COQ8B: variants seen among roughly 807,000 people sequenced by gnomAD.
COQ8B encodes the protein coenzyme Q8B, also known as atypical kinase COQ8B, mitochondrial.
A neutral mutation model predicts 62.0 loss-of-function variants in COQ8B; 44 were observed. That is an observed-to-expected ratio of 0.71 (90% confidence interval 0.56 to 0.91). The LOEUF is 0.91. Among genes scored for constraint, COQ8B ranks in the 40% least tolerant of loss-of-function variants. The pLI is 0.00. For synonymous variants in COQ8B, 252 were observed against 289.9 expected, an observed-to-expected ratio of 0.87 and a Z score of 1.33; for missense variants, 649 against 731.6, an observed-to-expected ratio of 0.89 and a Z score of 1.30.
At position 40,714,176 on chromosome 19, in the gene COQ8B, C is replaced by T. The variant is rs765881596; in HGVS notation, c.223-43G>A. The T allele has an allele frequency of 3.8e-5, 61 of 1,611,926 alleles. No homozygotes were observed. The South Asian group carries it at 4.7e-4, about 12-fold the overall frequency. On this transcript the variant is annotated intron_variant, in intron 3 of 14. Transcript: ENST00000324464. ...GGTCTGAGGGTGGGAAAGTGGGCATCGTGGCCAGAGAGTGCAGCCACTCTG... is the reference window on the plus strand; with the variant it reads ...GGTCTGAGGGTGGGAAAGTGGGCATTGTGGCCAGAGAGTGCAGCCACTCTG...
chr19:40,704,212 C>T (rs2082083424), intron 7 of COQ8B: 1 of 186,188 alleles, frequency 5.4e-6, no homozygotes, highest in Non-Finnish European at 1.1e-5. Flanking sequence ...TGTAGTGGCA[C>T]TCTCACGGCT....
At chr19:40,701,113 A>G (rs2082057488) in intron 10 of COQ8B, 1 of 152,296 alleles carries the variant, frequency 6.6e-6, no homozygotes, top group Non-Finnish European at 1.5e-5. Context: ...GAATCGCTTG[A>G]GCCCAGGAGT....
In COQ8B at chr19:40,714,411, A is replaced by C; in HGVS notation, c.103-14T>G. On this transcript the variant is annotated splice_polypyrimidine_tract_variant and intron_variant, in intron 2 of 14. Coordinates refer to ENST00000324464, the MANE Select transcript of COQ8B (RefSeq NM_024876.4). ...TCCACATGGTCCCTGCAAGAGATATACTTTGATAAGGAGGGGAGGACATGG... is the reference window on the plus strand; with the variant it reads ...TCCACATGGTCCCTGCAAGAGATATCCTTTGATAAGGAGGGGAGGACATGG... 2 of 1,612,994 alleles carry C rather than the reference A, an allele frequency of 1.2e-6. No individual in the cohort carries two copies. The highest frequency in any genetic ancestry group is 1.7e-6 in the Non-Finnish European group (2 of 1,179,442).
At chr19:40,695,355 A>AGAAAAAAAAG (rs2082006685) in intron 13 of COQ8B, among the ~76,000 whole-genome samples, 1 of 152,118 alleles carries the variant, frequency 6.6e-6, no homozygotes, top group Admixed American at 6.5e-5. Flanking sequence ...AAAAAGGAAA[A>AGAAAAAAAAG]GAAAACGTTT....
At position 40,710,121 on chromosome 19, in the gene COQ8B, A is replaced by G. The variant is rs1166676243; in HGVS notation, c.305T>C (p.Leu102Ser). The change falls in exon 5 of 15, where the codon TTG (leucine) becomes TCG (serine). Residue 102 changes from leucine (L) to serine (S), a missense_variant. By Grantham distance (145) the Leu-to-Ser change is moderately radical. Coordinates refer to ENST00000324464, the MANE Select transcript of COQ8B (RefSeq NM_024876.4). ...LANFGGLAVGLGLGVLAEMAK... is the reference protein window; with the variant it reads ...LANFGGLAVGSGLGVLAEMAK... ...CATCTCGGCCAGTACTCCTAGCCCC[A>G]AGCCCACAGCCAGTCCTGGAGTGCA... 1 of 1,614,008 alleles carries G rather than the reference A, an allele frequency of 6.2e-7. No individual in the cohort carries two copies. Among genetic ancestry groups the G allele is most frequent in the Admixed American group, 1.7e-5 (1 of 60,014 alleles).
chr19:40,713,685 C>CTG (rs569682825), intron 4 of COQ8B, among the ~76,000 whole-genome samples: 2,555 of 150,966 alleles, frequency 0.017, 74 homozygotes, highest in African/African-American at 0.058. Context: ...CACTGCACTC[C>CTG]AGCCTGGGCA....
chr19:40,711,479 C>T (rs1412925493), intron 4 of COQ8B, among the ~76,000 whole-genome samples: 1 of 152,188 alleles, frequency 6.6e-6, no homozygotes, highest in Non-Finnish European at 1.5e-5. Flanking sequence ...CTGCCTCGGC[C>T]TCCCAAAGTG....
At position 40,705,448 on chromosome 19, in the gene COQ8B, C is replaced by G. The variant is rs1201048143; in HGVS notation, c.368-1G>C. 1.9e-6 allele frequency: 3 copies of G among 1,551,156 alleles called. No homozygotes were observed. The highest frequency in any genetic ancestry group is 1.7e-6 in the Non-Finnish European group (2 of 1,145,900). ...CTGGAGTCCAGCCCAGAACCACCCT[C>G]TGGGGAGAGAACAACCATTAGAATT... is the stretch of plus-strand genomic sequence containing the variant. On this transcript the variant is annotated splice_acceptor_variant, in intron 5 of 14. Coordinates refer to ENST00000324464, the MANE Select transcript of COQ8B (RefSeq NM_024876.4). LOFTEE classifies it high-confidence loss of function.
chr19:40,714,474 C>T, intron 2 of COQ8B, 57 bp downstream of exon 2: 3 of 1,613,506 alleles, frequency 1.9e-6, no homozygotes, highest in Non-Finnish European at 2.5e-6. Flanking sequence ...TGTCCTTTTA[C>T]CCTCTGAAGT....
chr19:40,709,289 A>G (rs2144710164), intron 5 of COQ8B, among the ~76,000 whole-genome samples: 1 of 152,324 alleles, frequency 6.6e-6, no homozygotes, highest in Middle Eastern at 3.4e-3. Context: ...ATATGCAATC[A>G]TGGTTCAGAT....
Position 40,700,155 on chromosome 19 carries a change from G to C in COQ8B, c.1055C>G (p.Thr352Arg), listed in dbSNP as rs36012476. ...LRNQICFQLLTLCLRELFEFR... is the reference protein window; with the variant it reads ...LRNQICFQLLRLCLRELFEFR... ...CTCAAACAGCTCCCGCAGACACAGC[G>C]TCAGGAGCTGGAAGCAAATCTGGGG... is the stretch of plus-strand genomic sequence containing the variant. Residue 352 changes from threonine (T) to arginine (R), a missense_variant, in exon 12 of 15, where the codon ACG (threonine) becomes AGG (arginine). By Grantham distance (71) the Thr-to-Arg change is moderately conservative. Coordinates refer to ENST00000324464, the MANE Select transcript of COQ8B (RefSeq NM_024876.4). 0.043 allele frequency: 69,238 copies of C among 1,614,150 alleles called. 1,759 individuals are homozygous for C. Among genetic ancestry groups the C allele is most frequent in the Middle Eastern group, 0.051 (309 of 6,062 alleles).
chr19:40,711,384 A>G (rs2082140761), intron 4 of COQ8B, among the ~76,000 whole-genome samples: 1 of 151,740 alleles, frequency 6.6e-6, no homozygotes, highest in Non-Finnish European at 1.5e-5. Context: ...CGTGCATACC[A>G]CCACGCTCAC....
At chr19:40,713,637 A>G (rs550180883) in intron 4 of COQ8B, among the ~76,000 whole-genome samples, 3 of 148,750 alleles carry the variant, frequency 2.0e-5, no homozygotes, top group Admixed American at 6.6e-5. Context: ...AATTGCTTGA[A>G]TGTAGGAGGC....
chr19:40,704,034 A>C, intron 7 of COQ8B, 179 bp from the exon 8 acceptor site: 1 of 743,554 alleles, frequency 1.3e-6, no homozygotes, highest in Non-Finnish European at 2.1e-6. Context: ...TGTGCAAGTG[A>C]CTAGCCAGGC....
chr19:40,714,854 C>G (rs2082172895), intron 1 of COQ8B: 2 of 1,333,552 alleles, frequency 1.5e-6, no homozygotes, highest in Non-Finnish European at 1.9e-6. Flanking sequence ...CTCTCCCAAC[C>G]CTCGCCGTTG....
Position 40,700,310 on chromosome 19 carries a change from C to A in COQ8B, c.1035G>T (p.Gln345His). 6.2e-7 allele frequency: 1 copy of A among 1,613,656 alleles called. No homozygotes were observed. Among genetic ancestry groups the A allele is most frequent in the Non-Finnish European group, 8.5e-7 (1 of 1,179,690 alleles). ...CQGLSQDLRN[Q>H]ICFQLLTLCL... The stretch of plus-strand genomic sequence containing the variant: ...CCCACTGTGCCACCAGACAGCATAC[C>A]TGGTTCCGCAGGTCCTGGCTTAGGC... The change falls in exon 11 of 15, where the codon CAG becomes CAT. Residue 345 changes from glutamine to histidine, a missense_variant and splice_region_variant. Transcript: ENST00000324464.
chr19:40,700,143 C>G lies in COQ8B; in HGVS notation c.1067G>C (p.Arg356Pro), dbSNP rs759199445. Residue 356 changes from arginine to proline, a missense_variant, in exon 12 of 15, where the codon CGG (arginine) becomes CCG (proline). Arg to Pro is a moderately radical substitution (Grantham distance 103). Coordinates refer to ENST00000324464, the MANE Select transcript of COQ8B (RefSeq NM_024876.4). ...CATGAATCGGAACTCAAACAGCTCC[C>G]GCAGACACAGCGTCAGGAGCTGGAA... ...ICFQLLTLCL[R>P]ELFEFRFMQT... 3.1e-6 allele frequency: 5 copies of G among 1,614,094 alleles called. No individual in the cohort carries two copies. The highest frequency in any genetic ancestry group is 4.2e-6 in the Non-Finnish European group (5 of 1,180,052).
At chr19:40,692,637 C>T (rs553302891) in intron 14 of COQ8B, among the ~76,000 whole-genome samples, 15 of 152,190 alleles carry the variant, frequency 9.9e-5, no homozygotes, top group African/African-American at 3.1e-4. Flanking sequence ...AACAGAGAAG[C>T]GGCCTTCGCC....
Position 40,714,265 on chromosome 19 carries a change from G to A in COQ8B, c.222+13C>T. The stretch of plus-strand genomic sequence containing the variant: ...TTCGTGGGGTGTTGCTGGGTGGGTG[G>A]GGGTAATGATACCTGGGGCCGGGGT... On this transcript the variant is annotated intron_variant, in intron 3 of 14. Transcript: ENST00000324464. 1 of 1,609,776 alleles carries A rather than the reference G, an allele frequency of 6.2e-7. No homozygotes were observed.
Sources: allele counts gnomAD v4.1 joint callset (sites outside exome capture counted in the v4.1 genomes callset), GRCh38; gene constraint gnomAD v4.1.1; transcripts MANE v1.5; gene names NCBI Gene and HGNC (gene_info 2026-07-23, HGNC 2026-07-21).